Variants in SHQ1 observed in about 807,000 individuals in gnomAD.
SHQ1 encodes the protein protein SHQ1 homolog.
Under a neutral mutation model 53.8 loss-of-function variants are expected in SHQ1, and 49 were observed. The ratio of observed to expected loss-of-function variants is 0.91; its 90% CI spans 0.72 to 1.16. SHQ1 has a LOEUF of 1.16. SHQ1 is among the 50% of genes most tolerant of loss of function. SHQ1 has a pLI of 0.00. For missense variants in SHQ1, 738 were observed against 683.1 expected (o/e 1.08, Z -0.90); for synonymous variants, 243 against 251.0 (o/e 0.97, Z 0.30).
chr3:72,748,088 T>C (rs183164265), downstream of SHQ1, among the ~76,000 whole-genome samples: 6 of 151,562 alleles, frequency 4.0e-5, no homozygotes, highest in East Asian at 1.2e-3. Flanking sequence ...AACTCATAAT[T>C]CATAAGGCAT....
intron 9 of SHQ1, 88 bp downstream of exon 9, chr3:72,812,582 TA>T: frequency 6.7e-7 from 1 of 1,495,126 alleles, no homozygotes; most frequent in African/African-American, 1.4e-5. Flanking sequence ...TTATATACAG[TA>T]AAAAAGCAAA....
chr3:72,778,525 T>C (rs1706005901), intron 10 of SHQ1, among the ~76,000 whole-genome samples: 1 of 152,054 alleles, frequency 6.6e-6, no homozygotes, highest in Admixed American at 6.5e-5. Flanking sequence ...TCATTACTAT[T>C]CTTTCATTTG....
chr3:72,823,730 T>A (rs188801626), intron 6 of SHQ1, among the ~76,000 whole-genome samples: 25 of 152,324 alleles, frequency 1.6e-4, no homozygotes, highest in Non-Finnish European at 4.4e-5. Flanking sequence ...TATATATTTT[T>A]AAAATATCCC....
chr3:72,761,605 A>C (rs1373476094), intron 10 of SHQ1, among the ~76,000 whole-genome samples: 2 of 152,206 alleles, frequency 1.3e-5, no homozygotes, highest in Non-Finnish European at 2.9e-5. Context: ...CGTTAATACA[A>C]AAGGCTTGCA....
chr3:72,798,075 T>C (rs1039310002), intron 9 of SHQ1, among the ~76,000 whole-genome samples: 3 of 152,118 alleles, frequency 2.0e-5, no homozygotes, highest in Admixed American at 6.5e-5. Flanking sequence ...CGTGGGCTCA[T>C]CATACACGAT....
At chr3:72,765,528 G>A in intron 10 of SHQ1, among the ~76,000 whole-genome samples, 1 of 99,898 alleles carries the variant, frequency 1.0e-5, no homozygotes, top group African/African-American at 5.0e-5. Context: ...AGATTCACAT[G>A]ACATATATAT....
chr3:72,781,394 A>G (rs1272555062), intron 10 of SHQ1, among the ~76,000 whole-genome samples: 2 of 152,128 alleles, frequency 1.3e-5, no homozygotes, highest in Admixed American at 6.6e-5. Context: ...ATTTCAGAAA[A>G]AGACGGCCCT....
At chr3:72,778,978 A>G (rs1169155666) in intron 10 of SHQ1, among the ~76,000 whole-genome samples, 1 of 152,192 alleles carries the variant, frequency 6.6e-6, no homozygotes, top group Non-Finnish European at 1.5e-5. Context: ...TAGTCAGGCT[A>G]CACTCACGCC....
At chr3:72,826,169 T>C (rs1707650026) in intron 5 of SHQ1, among the ~76,000 whole-genome samples, 2 of 152,176 alleles carry the variant, frequency 1.3e-5, no homozygotes, top group African/African-American at 4.8e-5. Flanking sequence ...AAAGTACATA[T>C]TAGACAAAAC....
chr3:72,795,955 G>T (rs761447070), intron 9 of SHQ1, among the ~76,000 whole-genome samples: 2 of 151,570 alleles, frequency 1.3e-5, no homozygotes, highest in Non-Finnish European at 2.9e-5. Flanking sequence ...ATACAAAAAT[G>T]AGCCAGGCGT....
downstream of SHQ1, among the ~76,000 whole-genome samples, chr3:72,747,913 C>G (rs1347695926): frequency 6.6e-6 from 1 of 151,752 alleles, no homozygotes; most frequent in Non-Finnish European, 1.5e-5. Context: ...CACTTGAACC[C>G]GAGAGACAGA....
intron 6 of SHQ1, 86 bp from the exon 7 acceptor site, chr3:72,817,470 AT>A: frequency 7.8e-7 from 1 of 1,276,524 alleles, no homozygotes; most frequent in Non-Finnish European, 1.1e-6. Flanking sequence ...TAGAACTTTG[AT>A]TATAGAAACT....
chr3:72,796,101 C>CA (rs555086403), intron 9 of SHQ1, among the ~76,000 whole-genome samples: 2,801 of 39,176 alleles, frequency 0.071, 123 homozygotes, highest in African/African-American at 0.1. Context: ...GACTCCATCT[C>CA]AAAAAAAAAA....
At chr3:72,846,971 T>C (rs968632152) in intron 1 of SHQ1, among the ~76,000 whole-genome samples, 1 of 152,228 alleles carries the variant, frequency 6.6e-6, no homozygotes, top group African/African-American at 2.4e-5. Context: ...AGGCTTTTCC[T>C]GACCACTTTA....
At chr3:72,823,053 G>A (rs1287583203) in intron 6 of SHQ1, among the ~76,000 whole-genome samples, 2 of 151,526 alleles carry the variant, frequency 1.3e-5, no homozygotes, top group Non-Finnish European at 2.9e-5. Flanking sequence ...GGAGGCTGAG[G>A]TAGGAGAATG....
intron 10 of SHQ1, among the ~76,000 whole-genome samples, chr3:72,784,107 T>G (rs953799705): frequency 3.4e-5 from 5 of 146,028 alleles, no homozygotes; most frequent in Non-Finnish European, 6.1e-5. Flanking sequence ...TCTGCAAATC[T>G]AAAACTATTC....
rs2106795905 is a variant in SHQ1 at position 72,792,980 on chromosome 3, C to T, written c.1117G>A (p.Asp373Asn). ...LDIHKIFQEN[D>N]PAYILNDLYI... The stretch of plus-strand genomic sequence containing the variant: ...AGATCATTCAGTATGTACGCTGGGT[C>T]ATTTTCCTGAAAAATTTTGTGAATA... The change falls in exon 10 of 11, where the codon GAC (aspartate) becomes AAC (asparagine). Residue 373 changes from aspartate (D) to asparagine (N), a missense_variant. By Grantham distance (23) the Asp-to-Asn change is conservative. Coordinates refer to ENST00000325599, the MANE Select transcript of SHQ1 (RefSeq NM_018130.3). The T allele has an allele frequency of 6.2e-7, 1 of 1,612,060 alleles. No homozygotes were observed. Among genetic ancestry groups the T allele is most frequent in the South Asian group, 1.1e-5 (1 of 90,890 alleles).
intron 6 of SHQ1, among the ~76,000 whole-genome samples, chr3:72,819,515 G>A (rs62249863): frequency 1.3e-5 from 2 of 151,766 alleles, no homozygotes; most frequent in African/African-American, 4.8e-5. Context: ...AATTGTACAT[G>A]AAGTCTCTTT....
chr3:72,750,857 A>G (rs1468704272), intron 10 of SHQ1, 21 bp from the exon 11 acceptor site: 1 of 1,486,390 alleles, frequency 6.7e-7, no homozygotes, highest in East Asian at 2.5e-5. Context: ...TTTTAAAAAG[A>G]AAGATTAGAA....
Sources: allele counts gnomAD v4.1 joint callset (sites outside exome capture counted in the v4.1 genomes callset), GRCh38; gene constraint gnomAD v4.1.1; transcripts MANE v1.5; gene names NCBI Gene and HGNC (gene_info 2026-07-23, HGNC 2026-07-21).